The following NT5C3A variants were observed in gnomAD, a reference collection of about 807,000 sequenced individuals.
NT5C3A encodes the protein 5'-nucleotidase, cytosolic IIIA, also known as cytosolic 5'-nucleotidase 3A.
A neutral mutation model predicts 40.0 loss-of-function variants in NT5C3A; 23 were observed. The observed-to-expected ratio is 0.58, with a 90% CI of 0.41 to 0.81. The LOEUF (loss-of-function observed/expected upper bound fraction) is 0.81, where lower values mean the gene tolerates loss of function less well. Among genes scored for constraint, NT5C3A ranks in the 40% least tolerant of loss-of-function variants. The probability of loss-of-function intolerance (pLI) is 0.00; values close to 1 mark genes in which losing one functional copy is unlikely to be tolerated. For synonymous variants in NT5C3A, 130 were observed against 141.4 expected (o/e 0.92, Z 0.57); for missense variants, 328 against 403.0 (o/e 0.81, Z 1.59).
At chr7:33,034,748 A>G in intron 1 of NT5C3A, among the ~76,000 whole-genome samples, 1 of 152,218 alleles carries the variant, frequency 6.6e-6, no homozygotes, top group African/African-American at 2.4e-5. Context: ...ATTAAGCGTG[A>G]CAAAATGCTG....
At chr7:33,023,599 TGA>T (rs1287366689) in intron 3 of NT5C3A, 2 of 192,818 alleles carry the variant, frequency 1.0e-5, no homozygotes, top group African/African-American at 4.8e-5. Flanking sequence ...TAAAAGCAAA[TGA>T]GAGAGTTCAT....
intron 2 of NT5C3A, among the ~76,000 whole-genome samples, chr7:33,025,457 AGGAAT>A (rs1364404574): frequency 6.6e-6 from 1 of 152,156 alleles, no homozygotes; most frequent in Non-Finnish European, 1.5e-5. Flanking sequence ...GTTTTAAAAA[AGGAAT>A]AATTTTTTTT....
At chr7:33,043,919 G>A (rs1787033254) in intron 1 of NT5C3A, among the ~76,000 whole-genome samples, 1 of 152,140 alleles carries the variant, frequency 6.6e-6, no homozygotes, top group Non-Finnish European at 1.5e-5. Flanking sequence ...GTAATTTTAA[G>A]AGAAAAATAA....
chr7:33,056,449 C>A (rs1405542440), intron 1 of NT5C3A, among the ~76,000 whole-genome samples: 1 of 110,976 alleles, frequency 9.0e-6, no homozygotes, highest in East Asian at 2.7e-4. Flanking sequence ...CCAGCCTGGG[C>A]AAATAGTGAG....
In NT5C3A at chr7:33,026,892, T is replaced by G. The variant is rs139999145; in HGVS notation, c.162A>C (p.Ser54=). 5.6e-6 allele frequency: 9 copies of G among 1,612,178 alleles called. No individual in the cohort carries two copies. The highest frequency in any genetic ancestry group is 7.6e-6 in the Non-Finnish European group (9 of 1,179,158). Residue 54 remains serine, a synonymous_variant, in exon 2 of 9, where the codon TCA becomes TCC. Transcript: ENST00000610140. The part of the protein sequence containing the change: ...IEMMPEFQKS[S]VRIKNPTRVE... ...CTCTTGTAGGGTTCTTGATTCGAAC[T>G]GAACTTTTCTGGAATTCTGGCATCT...
intron 1 of NT5C3A, among the ~76,000 whole-genome samples, chr7:33,049,606 A>G (rs573381980): frequency 1.3e-5 from 2 of 152,330 alleles, no homozygotes; most frequent in South Asian, 4.1e-4. Flanking sequence ...AATCTCTTTT[A>G]TGTACATATT....
At chr7:33,035,189 G>T (rs1377953560) in intron 1 of NT5C3A, among the ~76,000 whole-genome samples, 7 of 106,182 alleles carry the variant, frequency 6.6e-5, no homozygotes, top group Admixed American at 1.2e-4. Flanking sequence ...TAAGGAATGA[G>T]TTTTTTTTTT....
intron 1 of NT5C3A, among the ~76,000 whole-genome samples, chr7:33,047,516 C>T (rs1583959727): frequency 6.6e-6 from 1 of 152,056 alleles, no homozygotes; most frequent in Non-Finnish European, 1.5e-5. Flanking sequence ...CAATTAAATA[C>T]ATTTTTAAAT....
rs987392136 is a variant in NT5C3A at position 33,062,631 on chromosome 7, C to A, written c.75G>T (p.Val25=). 2 of 1,604,548 alleles carry A rather than the reference C, an allele frequency of 1.2e-6. No homozygotes were observed. Among genetic ancestry groups the A allele is most frequent in the Non-Finnish European group, 1.7e-6 (2 of 1,176,546 alleles). ...ASVCALVAGV[V]LAQYIFTLKR... is the part of the protein sequence containing the mutation. Reference sequence around the variant, plus strand: ...TCAAGGTGAATATGTACTGAGCCAGCACCACCCCCGCCACCAGGGCGCACA... The same window carrying A: ...TCAAGGTGAATATGTACTGAGCCAGAACCACCCCCGCCACCAGGGCGCACA... The change falls in exon 1 of 9, where the codon GTG becomes GTT. Residue 25 remains valine (V), a synonymous_variant. Coordinates refer to ENST00000610140, the MANE Select transcript of NT5C3A (RefSeq NM_001002010.5).
intron 1 of NT5C3A, among the ~76,000 whole-genome samples, chr7:33,049,969 CAA>C (rs61035673): frequency 0.017 from 996 of 58,466 alleles, 8 homozygotes; most frequent in African/African-American, 0.051. Context: ...GACTCCATCT[CAA>C]AAAAAAAAAA....
chr7:33,015,910 T>A lies in NT5C3A; in HGVS notation c.694-40A>T, dbSNP rs777021778. ...AATCTTTTGAACAGGCTTTAAAAAT[T>A]CTATTTGTTGGATTTTCATATTTTG... is the stretch of plus-strand genomic sequence containing the variant. On this transcript the variant is annotated intron_variant, in intron 7 of 8. Coordinates refer to ENST00000610140, the MANE Select transcript of NT5C3A (RefSeq NM_001002010.5). The A allele has an allele frequency of 5.8e-6, 8 of 1,374,098 alleles. No individual in the cohort carries two copies. In the Admixed American group the frequency reaches 1.4e-4, roughly 23 times the overall value. 85.1% of individuals were successfully genotyped at this position (1,374,098 alleles called of 1,614,324 possible).
At chr7:33,050,082 C>G (rs181137597) in intron 1 of NT5C3A, among the ~76,000 whole-genome samples, 2 of 151,794 alleles carry the variant, frequency 1.3e-5, no homozygotes, top group East Asian at 1.9e-4. Flanking sequence ...AAGAATCAAA[C>G]GAATGCTGAC....
At chr7:33,052,148 C>T (rs1293677131) in intron 1 of NT5C3A, among the ~76,000 whole-genome samples, 1 of 152,024 alleles carries the variant, frequency 6.6e-6, no homozygotes, top group African/African-American at 2.4e-5. Flanking sequence ...AACTGTTCTG[C>T]AACTTGCCTT....
At chr7:33,046,339 C>A (rs2128013269) in intron 1 of NT5C3A, among the ~76,000 whole-genome samples, 1 of 152,160 alleles carries the variant, frequency 6.6e-6, no homozygotes, top group South Asian at 2.1e-4. Flanking sequence ...GAGTTTGAGA[C>A]CAGCCTGGGC....
rs897481264 is a variant in NT5C3A at position 33,014,318 on chromosome 7, A to G, written c.*412T>C. The G allele has an allele frequency of 1.1e-5, 5 of 454,318 alleles. No individual in the cohort carries two copies. Among genetic ancestry groups the G allele is most frequent in the Admixed American group, 9.4e-5 (4 of 42,560 alleles). 28.1% of individuals were successfully genotyped at this position (454,318 alleles called of 1,614,324 possible). The stretch of plus-strand genomic sequence containing the variant: ...TTCAAGAGATGGTGATACCATCAGC[A>G]TAATAACCCAAATTACAAAAATGGC... On this transcript the variant is annotated 3_prime_UTR_variant, in exon 9 of 9. Coordinates refer to ENST00000610140, the MANE Select transcript of NT5C3A (RefSeq NM_001002010.5).
chr7:33,046,165 C>A (rs910982754), intron 1 of NT5C3A: 1 of 152,128 alleles, frequency 6.6e-6, no homozygotes, highest in African/African-American at 2.4e-5. Flanking sequence ...CTGATTGCAG[C>A]CTTATGAATT....
intron 6 of NT5C3A, among the ~76,000 whole-genome samples, chr7:33,018,927 A>G (rs771513904): frequency 7.9e-5 from 12 of 152,306 alleles, no homozygotes; most frequent in Middle Eastern, 3.4e-3. Context: ...TCCTAGGAAT[A>G]GTTTTCAAAG....
At chr7:33,040,783 G>GC in intron 1 of NT5C3A, 2 of 613,858 alleles carry the variant, frequency 3.3e-6, no homozygotes, top group Non-Finnish European at 4.1e-6. Flanking sequence ...ATTTCAAAAT[G>GC]CCCAAAATTT....
At chr7:33,050,793 T>G (rs1052570126) in intron 1 of NT5C3A, among the ~76,000 whole-genome samples, 3 of 152,222 alleles carry the variant, frequency 2.0e-5, no homozygotes, top group Admixed American at 1.3e-4. Flanking sequence ...AAAGTTGTCT[T>G]ACTTGGTTTA....
Sources: gnomAD v4.1 joint callset for allele counts (sites outside exome capture counted in the v4.1 genomes callset) on GRCh38, gnomAD v4.1.1 for gene constraint, MANE v1.5 for transcripts, NCBI Gene and HGNC (gene_info 2026-07-23, HGNC 2026-07-21) for gene names.